The following WDFY4 variants were observed in gnomAD, a reference collection of about 807,000 sequenced individuals.
The protein encoded by WDFY4 is WD repeat- and FYVE domain-containing protein 4.
A neutral mutation model predicts 351.9 loss-of-function variants in WDFY4; 169 were observed. The ratio of observed to expected loss-of-function variants is 0.48; its 90% CI spans 0.42 to 0.55. The LOEUF (loss-of-function observed/expected upper bound fraction) is 0.55, where lower values mean the gene tolerates loss of function less well. Ranked by LOEUF, WDFY4 falls within the 20% of genes least tolerant of loss-of-function variation. The probability of loss-of-function intolerance (pLI) is 0.00; values close to 1 mark genes in which losing one functional copy is unlikely to be tolerated. For synonymous variants in WDFY4, 1,622 were observed against 1,574.6 expected (o/e 1.03, Z -0.71); for missense variants, 3,803 against 3,935.6 (o/e 0.97, Z 0.90).
chr10:48,900,738 G>A (rs1837310143), intron 46 of WDFY4, among the ~76,000 whole-genome samples: 1 of 152,204 alleles, frequency 6.6e-6, no homozygotes, highest in Non-Finnish European at 1.5e-5. Flanking sequence ...TCATTGGAAG[G>A]AATTCCAAAC....
chr10:48,879,620 G>A (rs957531036), intron 43 of WDFY4, among the ~76,000 whole-genome samples: 2 of 152,208 alleles, frequency 1.3e-5, no homozygotes, highest in African/African-American at 4.8e-5. Context: ...AGCCTCAGAT[G>A]GCTGCAGCCA....
At chr10:48,834,838 T>G (rs1453760103) in intron 39 of WDFY4, among the ~76,000 whole-genome samples, 2 of 152,200 alleles carry the variant, frequency 1.3e-5, no homozygotes, top group Non-Finnish European at 2.9e-5. Context: ...TTGATACAGC[T>G]CAGCTGCCTC....
intron 57 of WDFY4, among the ~76,000 whole-genome samples, chr10:48,970,739 T>C (rs1291361207): frequency 6.6e-6 from 1 of 152,168 alleles, no homozygotes; most frequent in African/African-American, 2.4e-5. Flanking sequence ...GTAAAATAGG[T>C]GCCATGATCA....
chr10:48,980,722 G>A (rs940935384), intron 60 of WDFY4, among the ~76,000 whole-genome samples: 1 of 152,144 alleles, frequency 6.6e-6, no homozygotes, highest in African/African-American at 2.4e-5. Context: ...GTCACCTCAG[G>A]ACAGCAGGGG....
intron 48 of WDFY4, among the ~76,000 whole-genome samples, chr10:48,942,438 C>T (rs964100013): frequency 1.3e-5 from 2 of 152,108 alleles, no homozygotes; most frequent in Non-Finnish European, 2.9e-5. Context: ...TGGATGCCTC[C>T]GAGTGGGTAC....
At chr10:48,774,799 C>T in intron 14 of WDFY4, 127 bp downstream of exon 14, 1 of 1,238,320 alleles carries the variant, frequency 8.1e-7, no homozygotes, top group Admixed American at 2.0e-5. Flanking sequence ...TCCTGGCATT[C>T]AAGGCTGGAG....
rs1397674452 is a variant in WDFY4 at position 48,789,975 on chromosome 10, G to T, written c.4056G>T (p.Val1352=). 6.4e-7 allele frequency: 1 copy of T among 1,552,292 alleles called. No homozygotes were observed. Among genetic ancestry groups the T allele is most frequent in the East Asian group, 2.4e-5 (1 of 40,922 alleles). ...GSLRTIGAVA[V]GQLGVRVFHS... ...TGCGGACCATTGGAGCTGTTGCTGT[G>T]GGTCAATTAGGTATGTTCAACTGGG... The change falls in exon 22 of 62, where the codon GTG becomes GTT. Residue 1352 remains valine, a synonymous_variant. Transcript: ENST00000325239.
intron 47 of WDFY4, among the ~76,000 whole-genome samples, chr10:48,930,892 A>G (rs1839956011): frequency 6.6e-6 from 1 of 152,200 alleles, no homozygotes; most frequent in South Asian, 2.1e-4. Flanking sequence ...TCTCTGGCAC[A>G]CATGCACCCC....
At chr10:48,896,416 C>A (rs1289779103) in intron 44 of WDFY4, among the ~76,000 whole-genome samples, 1 of 152,176 alleles carries the variant, frequency 6.6e-6, no homozygotes, top group Non-Finnish European at 1.5e-5. Context: ...CCAGATAGCT[C>A]TCAGGGCTGC....
intron 34 of WDFY4, 89 bp from the exon 35 acceptor site, chr10:48,822,291 A>G: frequency 7.4e-7 from 1 of 1,355,148 alleles, no homozygotes; most frequent in Non-Finnish European, 9.7e-7. Context: ...GGTGAATAAG[A>G]TGCAGTTGGT....
intron 12 of WDFY4, among the ~76,000 whole-genome samples, chr10:48,748,121 G>C (rs1159060574): frequency 1.3e-5 from 2 of 152,182 alleles, no homozygotes; most frequent in Non-Finnish European, 2.9e-5. Context: ...ATAACATACA[G>C]GTTAACTTAG....
chr10:48,720,160 G>A, intron 3 of WDFY4, 35 bp downstream of exon 3: 3 of 1,544,648 alleles, frequency 1.9e-6, no homozygotes, highest in South Asian at 2.4e-5. Context: ...ACCCTCTACA[G>A]AGAGCAGTGC....
chr10:48,866,746 C>A (rs941778753), intron 39 of WDFY4, among the ~76,000 whole-genome samples: 2 of 152,126 alleles, frequency 1.3e-5, no homozygotes, highest in African/African-American at 4.8e-5. Context: ...TGGAAGCAAC[C>A]CATAAACACG....
Position 48,708,506 on chromosome 10 carries a change from G to C in WDFY4, c.-17-1210G>C, listed in dbSNP as rs2063690088. 5.9e-5 allele frequency among the ~76,000 whole-genome samples: 9 copies of C among 152,200 alleles called. 1 individual carries two copies. The highest frequency in any genetic ancestry group is 5.9e-4 in the Admixed American group (9 of 15,278). ...CCTACGTGGTAATGTTGAGTTTGGT[G>C]AGGGCTTTTATTCAGGGATCCTGAA... On this transcript the variant is annotated intron_variant, in intron 1 of 61. Coordinates refer to ENST00000325239, the MANE Select transcript of WDFY4 (RefSeq NM_001394531.1).
At chr10:48,954,806 C>T (rs754505208) in intron 51 of WDFY4, among the ~76,000 whole-genome samples, 16 of 152,110 alleles carry the variant, frequency 1.1e-4, no homozygotes, top group Non-Finnish European at 2.1e-4. Context: ...ATTAATATAG[C>T]AAATAGGAAA....
chr10:48,698,059 C>T (rs945767347), intron 1 of WDFY4, among the ~76,000 whole-genome samples: 3 of 152,180 alleles, frequency 2.0e-5, no homozygotes, highest in Non-Finnish European at 2.9e-5. Flanking sequence ...GGAGGGGATG[C>T]GTTGTCCATT....
intron 24 of WDFY4, among the ~76,000 whole-genome samples, chr10:48,798,106 C>G (rs747485250): frequency 6.6e-6 from 1 of 152,180 alleles, no homozygotes; most frequent in Non-Finnish European, 1.5e-5. Context: ...CAAAACACCA[C>G]AGGGCTGCTA....
rs116112417 is a variant in WDFY4 at position 48,972,804 on chromosome 10, G to A, written c.8929-2058G>A. On this transcript the variant is annotated intron_variant, in intron 57 of 61. Transcript: ENST00000325239. ...AGCAATCAAGAGCACCCGTTTCATG[G>A]CAATGTAACCAGCATGGGGAATTAT... is the stretch of plus-strand genomic sequence containing the variant. Among the ~76,000 whole-genome samples, 276 of 152,280 alleles carry A rather than the reference G, an allele frequency of 1.8e-3. 3 individuals carry two copies. The highest frequency in any genetic ancestry group is 6.5e-3 in the African/African-American group (272 of 41,552).
intron 47 of WDFY4, among the ~76,000 whole-genome samples, chr10:48,929,385 G>A (rs955446266): frequency 2.0e-5 from 3 of 152,192 alleles, no homozygotes; most frequent in Non-Finnish European, 4.4e-5. Flanking sequence ...GCTCCAGCAG[G>A]AAGCTATTGT....
Sources: gnomAD v4.1 joint callset for allele counts (sites outside exome capture counted in the v4.1 genomes callset) on GRCh38, gnomAD v4.1.1 for gene constraint, MANE v1.5 for transcripts, NCBI Gene and HGNC (gene_info 2026-07-23, HGNC 2026-07-21) for gene names.